The following ZBTB20 variants were observed in gnomAD, a reference collection of about 807,000 sequenced individuals.
ZBTB20 encodes zinc finger and BTB domain-containing protein 20.
In ZBTB20, 9 loss-of-function variants were observed where a neutral mutation model predicts 56.9. The observed-to-expected ratio is 0.16, with a 90% CI of 0.10 to 0.28. ZBTB20 has a LOEUF of 0.28. Ranked by LOEUF, ZBTB20 falls within the 10% of genes least tolerant of loss-of-function variation. The pLI is 1.00. For synonymous variants in ZBTB20, 417 were observed against 420.7 expected (o/e 0.99, Z 0.11); for missense variants, 655 against 1,003.0 (o/e 0.65, Z 4.69).
At chr3:114,603,864 A>G (rs1178110918) in intron 6 of ZBTB20, among the ~76,000 whole-genome samples, 1 of 152,014 alleles carries the variant, frequency 6.6e-6, no homozygotes. Context: ...TTACCAATAC[A>G]ATTGGCAAAA....
In ZBTB20 at chr3:114,346,589, T is replaced by C. The variant is rs999103169; in HGVS notation, c.1804+3685A>G. Among the ~76,000 whole-genome samples the C allele has an allele frequency of 4.6e-5, 7 of 152,300 alleles. No individual in the cohort carries two copies. In the East Asian group the frequency reaches 1.4e-3, roughly 29 times the overall value. On this transcript the variant is annotated intron_variant, in intron 11 of 11. Transcript: ENST00000675478. Reference sequence around the variant, plus strand: ...TTAAATTTTTGGGTTATAATCACTATGAAATATGCTTTACAACTAAAGCTT... The same window carrying C: ...TTAAATTTTTGGGTTATAATCACTACGAAATATGCTTTACAACTAAAGCTT...
At chr3:114,811,004 C>T (rs922561685) in intron 4 of ZBTB20, among the ~76,000 whole-genome samples, 12 of 152,296 alleles carry the variant, frequency 7.9e-5, no homozygotes, top group African/African-American at 2.9e-4. Context: ...AGTTTTGCCT[C>T]ACTCTATAGA....
intron 7 of ZBTB20, among the ~76,000 whole-genome samples, chr3:114,428,290 G>A (rs2089860725): frequency 2.0e-5 from 3 of 152,076 alleles, no homozygotes; most frequent in South Asian, 2.1e-4. Flanking sequence ...CATTAAATAC[G>A]CAGGTATTAA....
chr3:114,682,598 C>T (rs973943061), intron 6 of ZBTB20, among the ~76,000 whole-genome samples: 1 of 152,082 alleles, frequency 6.6e-6, no homozygotes. Context: ...ATGATGAAAA[C>T]CCCTGAAAGT....
At chr3:114,506,044 G>A (rs920695096) in intron 6 of ZBTB20, among the ~76,000 whole-genome samples, 4 of 152,054 alleles carry the variant, frequency 2.6e-5, no homozygotes, top group Non-Finnish European at 5.9e-5. Flanking sequence ...AGGTACTTTG[G>A]GGTTTCCTGC....
intron 3 of ZBTB20, among the ~76,000 whole-genome samples, chr3:114,908,807 T>C (rs1363306525): frequency 6.6e-6 from 1 of 151,822 alleles, no homozygotes; most frequent in South Asian, 2.1e-4. Flanking sequence ...AAAATTAATA[T>C]CTGAAGTGAG....
At chr3:115,003,711 C>T (rs932705272) in intron 2 of ZBTB20, among the ~76,000 whole-genome samples, 1 of 151,422 alleles carries the variant, frequency 6.6e-6, no homozygotes, top group African/African-American at 2.4e-5. Flanking sequence ...CTAAGTTTAA[C>T]AAATATTATG....
intron 4 of ZBTB20, among the ~76,000 whole-genome samples, chr3:114,808,389 G>C (rs2072276536): frequency 6.6e-6 from 1 of 151,960 alleles, no homozygotes; most frequent in Non-Finnish European, 1.5e-5. Context: ...GATCAGGAAT[G>C]AGAGAGAAGG....
intron 6 of ZBTB20, chr3:114,518,976 ACT>A (rs1162787637): frequency 2.0e-5 from 3 of 151,994 alleles, no homozygotes; most frequent in Admixed American, 6.6e-5. Context: ...AAGTTATGAA[ACT>A]CTGATTTATG....
intron 1 of ZBTB20, among the ~76,000 whole-genome samples, chr3:115,085,639 T>A (rs1403712182): frequency 6.6e-6 from 1 of 151,986 alleles, no homozygotes; most frequent in East Asian, 1.9e-4. Flanking sequence ...TGGGCATAAT[T>A]TCCAAGACAT....
At chr3:114,763,212 T>G (rs1409281940) in intron 5 of ZBTB20, among the ~76,000 whole-genome samples, 1 of 152,146 alleles carries the variant, frequency 6.6e-6, no homozygotes, top group African/African-American at 2.4e-5. Context: ...GTTAAAAATC[T>G]AAAGTTTTCT....
chr3:114,426,212 G>A (rs1166630709), intron 7 of ZBTB20, among the ~76,000 whole-genome samples: 4 of 151,942 alleles, frequency 2.6e-5, no homozygotes, highest in African/African-American at 4.8e-5. Context: ...GGTGGCGGGC[G>A]CCTGTAGTCC....
intron 6 of ZBTB20, among the ~76,000 whole-genome samples, chr3:114,660,589 G>A (rs2060665051): frequency 6.6e-6 from 1 of 152,056 alleles, no homozygotes; most frequent in Non-Finnish European, 1.5e-5. Context: ...AAATGATAGA[G>A]TAATTGCCTG....
chr3:114,818,097 C>T (rs2073044841), intron 4 of ZBTB20, among the ~76,000 whole-genome samples: 1 of 152,052 alleles, frequency 6.6e-6, no homozygotes, highest in South Asian at 2.1e-4. Flanking sequence ...TTAGAAATTC[C>T]AATTTCCTAA....
chr3:114,748,376 C>CTCTCTCTCTCTCTCTCTCTCTCTCTT (rs1560202695), intron 5 of ZBTB20, among the ~76,000 whole-genome samples: 1 of 146,338 alleles, frequency 6.8e-6, no homozygotes, highest in East Asian at 2.0e-4. Flanking sequence ...CTCTCTCTCT[C>CTCTCTCTCTCTCTCTCTCTCTCTCTT]TCTTTCTTTC....
At chr3:114,685,444 A>T (rs997588935) in intron 6 of ZBTB20, among the ~76,000 whole-genome samples, 2 of 152,196 alleles carry the variant, frequency 1.3e-5, no homozygotes, top group Admixed American at 6.6e-5. Flanking sequence ...GCAAAATGAA[A>T]CTGCTGGAGT....
intron 6 of ZBTB20, among the ~76,000 whole-genome samples, chr3:114,666,707 A>C (rs1228168774): frequency 6.6e-6 from 1 of 152,004 alleles, no homozygotes; most frequent in African/African-American, 2.4e-5. Context: ...TTCACTTGCA[A>C]AGAACCAGGA....
In ZBTB20 at chr3:115,125,005, C is replaced by T. The variant is rs938609215; in HGVS notation, c.-703+22214G>A. Among the ~76,000 whole-genome samples, 6 of 151,536 alleles carry T rather than the reference C, an allele frequency of 4.0e-5. No individual in the cohort carries two copies. The South Asian group carries it at 8.3e-4, about 21-fold the overall frequency. ...GAGTTTACCTATAAACAAACCTGCA[C>T]ATGTACCCCTGAACTTAAAGTTTTT... On this transcript the variant is annotated intron_variant, in intron 1 of 11. Coordinates refer to ENST00000675478, the MANE Select transcript of ZBTB20 (RefSeq NM_001348800.3).
At chr3:114,962,752 T>G (rs1363894178) in intron 3 of ZBTB20, among the ~76,000 whole-genome samples, 2 of 152,138 alleles carry the variant, frequency 1.3e-5, no homozygotes, top group Non-Finnish European at 2.9e-5. Flanking sequence ...AACATTTATA[T>G]AGTCATTATA....
Sources: allele counts gnomAD v4.1 joint callset (sites outside exome capture counted in the v4.1 genomes callset), GRCh38; gene constraint gnomAD v4.1.1; transcripts MANE v1.5; gene names NCBI Gene and HGNC (gene_info 2026-07-23, HGNC 2026-07-21).